Variants in BMX observed in about 807,000 individuals in gnomAD.
The protein encoded by BMX is BMX non-receptor tyrosine kinase.
BMX carries 31 observed loss-of-function variants against 59.2 expected under a neutral mutation model. The ratio of observed to expected loss-of-function variants is 0.52; its 90% CI spans 0.39 to 0.71. The LOEUF (loss-of-function observed/expected upper bound fraction) is 0.71. BMX is among the 30% of genes least tolerant of loss of function. The pLI, the probability that BMX is intolerant of heterozygous loss-of-function variation, is 0.00. For synonymous variants in BMX, 185 were observed against 181.0 expected (o/e 1.02, Z -0.18); for missense variants, 474 against 491.7 (o/e 0.96, Z 0.34).
At chrX:15,550,845 AAGAGAAACCAGCTTCCTG>A (rs1286177129) in intron 18 of BMX, among the ~76,000 whole-genome samples, 1 of 111,515 alleles carries the variant, frequency 9.0e-6, no homozygotes, top group East Asian at 2.8e-4. Context: ...GCTCAGAGGA[AAGAGAAACCAGCTTCCTG>A]AGAGAAAGCA....
intron 18 of BMX, among the ~76,000 whole-genome samples, chrX:15,555,328 C>T (rs1184806471): frequency 9.4e-6 from 1 of 106,778 alleles, no homozygotes; most frequent in Non-Finnish European, 1.9e-5. Flanking sequence ...CATGTCCCAC[C>T]CTCCCGAGTA....
chrX:15,542,860 A>C (rs1925761253), intron 15 of BMX, among the ~76,000 whole-genome samples: 1 of 112,198 alleles, frequency 8.9e-6, no homozygotes, highest in African/African-American at 3.2e-5. Flanking sequence ...GTTGTTTGAC[A>C]AGGATGGATG....
chrX:15,543,022 A>T (rs761887545), intron 15 of BMX, 49 bp from the exon 16 acceptor site: 12 of 1,114,826 alleles, frequency 1.1e-5, no homozygotes, highest in Non-Finnish European at 1.4e-5. Context: ...AAATGTCAGG[A>T]GATTCTTGGT....
chrX:15,505,544 G>A (rs781270584), intron 1 of BMX, among the ~76,000 whole-genome samples: 39 of 112,480 alleles, frequency 3.5e-4, no homozygotes, highest in African/African-American at 1.2e-3. Flanking sequence ...ATCTAGAGAT[G>A]TGCTGTGTTT....
intron 11 of BMX, among the ~76,000 whole-genome samples, chrX:15,533,464 T>C (rs1925181799): frequency 8.9e-6 from 1 of 112,056 alleles, no homozygotes; most frequent in Non-Finnish European, 1.9e-5. Flanking sequence ...TCTGTTCCTG[T>C]GTTAGTTTGC....
chrX:15,515,411 G>A (rs1924114371), intron 4 of BMX, among the ~76,000 whole-genome samples: 2 of 110,960 alleles, frequency 1.8e-5, no homozygotes, highest in Admixed American at 1.9e-4. Context: ...AGTTATATAA[G>A]GGAACATCCT....
chrX:15,501,065 C>A, intron 1 of BMX, 125 bp downstream of exon 1: 2 of 549,168 alleles, frequency 3.6e-6, no homozygotes, highest in Non-Finnish European at 4.4e-6. Context: ...AATAGTACAA[C>A]ATTTTTAATA....
intron 14 of BMX, among the ~76,000 whole-genome samples, chrX:15,540,656 T>C (rs73635821): frequency 0.067 from 7,403 of 110,805 alleles, 604 homozygotes; most frequent in African/African-American, 0.23. Flanking sequence ...AGACAAATGA[T>C]AAACTGAGCA....
At chrX:15,528,526 C>A (rs1256282578) in intron 9 of BMX, among the ~76,000 whole-genome samples, 2 of 110,796 alleles carry the variant, frequency 1.8e-5, no homozygotes, top group Admixed American at 1.9e-4. Context: ...GGTGTGGTTG[C>A]CCATTCCTGT....
Position 15,522,356 on chromosome X carries a change from C to G in BMX, c.521C>G (p.Pro174Arg). 8.3e-7 allele frequency: 1 copy of G among 1,211,228 alleles called. No homozygotes were observed. Among genetic ancestry groups the G allele is most frequent in the Non-Finnish European group, 1.1e-6 (1 of 895,270 alleles). ...TCTTCCCCTCCAAAGCTGAAGATACCTCGGGCAGTTCCTGTTCTCAAAATG... is the reference window on the plus strand; with the variant it reads ...TCTTCCCCTCCAAAGCTGAAGATACGTCGGGCAGTTCCTGTTCTCAAAATG... ...PTFPDRVLKIPRAVPVLKMDA... is the reference protein window; with the variant it reads ...PTFPDRVLKIRRAVPVLKMDA... Residue 174 changes from proline (P) to arginine (R), a missense_variant, in exon 7 of 19, where the codon CCT becomes CGT. Coordinates refer to ENST00000348343, the MANE Select transcript of BMX (RefSeq NM_203281.3).
chrX:15,503,210 T>C (rs1923630444), intron 1 of BMX, among the ~76,000 whole-genome samples: 1 of 112,190 alleles, frequency 8.9e-6, no homozygotes, highest in Non-Finnish European at 1.9e-5. Context: ...GCTCCCCTTC[T>C]GTACCACTGA....
rs745621332 is a variant in BMX at position 15,524,695 on chromosome X, A to C, written c.753-593A>C. On this transcript the variant is annotated intron_variant, in intron 7 of 18. Transcript: ENST00000348343. ...TTGTTTCTATGAACTGTGGTTTTGAAAAAAGTCTGGACTATGAAGGCAAAC... is the reference window on the plus strand; with the variant it reads ...TTGTTTCTATGAACTGTGGTTTTGACAAAAGTCTGGACTATGAAGGCAAAC... Among the ~76,000 whole-genome samples, 83 of 111,968 alleles carry C rather than the reference A, an allele frequency of 7.4e-4. 2 individuals are homozygous for C. Among genetic ancestry groups the C allele is most frequent in the Non-Finnish European group, 1.5e-3 (79 of 53,182 alleles).
intron 14 of BMX, among the ~76,000 whole-genome samples, chrX:15,539,595 C>T (rs1422317424): frequency 9.0e-6 from 1 of 111,277 alleles, no homozygotes; most frequent in Non-Finnish European, 1.9e-5. Flanking sequence ...AGCATTGTCC[C>T]TATAGTTAAA....
rs112307212 is a variant in BMX at position 15,534,417 on chromosome X, T to G, written c.1147+78T>G. 8,810 of 899,334 alleles carry G rather than the reference T, an allele frequency of 9.8e-3. 413 individuals are homozygous for G. The African/African-American group carries it at 0.16, about 16-fold the overall frequency. The allele number at this position is 899,334 out of a possible 1,213,427, so 74.1% of individuals were successfully genotyped here. A position where few individuals can be genotyped will look rare whatever the true frequency, so the allele number is the denominator to read the frequency against. ...TCCTGGATACTACTGATCCTCCTAA[T>G]ATTCTTAATTATATAGGGAACCATG... On this transcript the variant is annotated intron_variant, in intron 12 of 18. Coordinates refer to ENST00000348343, the MANE Select transcript of BMX (RefSeq NM_203281.3).
intron 18 of BMX, among the ~76,000 whole-genome samples, chrX:15,554,285 T>G (rs1051722466): frequency 8.9e-6 from 1 of 112,367 alleles, no homozygotes; most frequent in Non-Finnish European, 1.9e-5. Context: ...GTCAAGCTTT[T>G]GAAGAATTCT....
At chrX:15,527,283 T>TATATATATAC (rs1285065649) in intron 9 of BMX, among the ~76,000 whole-genome samples, 857 of 65,280 alleles carry the variant, frequency 0.013, 3 homozygotes, top group Middle Eastern at 0.037. Context: ...TATATATATA[T>TATATATATAC]ACACACACAC....
Position 15,525,224 on chromosome X carries a change from T to C in BMX, c.753-64T>C, listed in dbSNP as rs755908963. 14 of 1,037,013 alleles carry C rather than the reference T, an allele frequency of 1.4e-5. No individual in the cohort carries two copies. In the Admixed American group the frequency reaches 1.8e-4, roughly 13 times the overall value. 85.5% of individuals were successfully genotyped at this position (1,037,013 alleles called of 1,213,427 possible). A position where few individuals can be genotyped will look rare whatever the true frequency, so the allele number is the denominator to read the frequency against. On this transcript the variant is annotated intron_variant, in intron 7 of 18. Coordinates refer to ENST00000348343, the MANE Select transcript of BMX (RefSeq NM_203281.3). ...AAAACATATCTGAACAAAATTACTT[T>C]TGTCATTTAAAATTTATAAGTAGAC...
chrX:15,555,786 T>C (rs1453951398), intron 18 of BMX, among the ~76,000 whole-genome samples: 1 of 112,104 alleles, frequency 8.9e-6, no homozygotes, highest in Admixed American at 9.5e-5. Context: ...TTTCCAGGTA[T>C]ACACTAAAAT....
intron 18 of BMX, among the ~76,000 whole-genome samples, chrX:15,555,201 C>CTTTTTTTTTTTT (rs34118728): frequency 2.4e-5 from 1 of 41,603 alleles, no homozygotes; most frequent in African/African-American, 9.0e-5. Context: ...ACGAGGGAAG[C>CTTTTTTTTTTTT]TTTTTTTTTT....
Sources: gnomAD v4.1 joint callset for allele counts (sites outside exome capture counted in the v4.1 genomes callset) on GRCh38, gnomAD v4.1.1 for gene constraint, MANE v1.5 for transcripts, NCBI Gene and HGNC (gene_info 2026-07-23, HGNC 2026-07-21) for gene names.